Variants in RABEP1 observed in about 807,000 individuals in gnomAD.
The protein encoded by RABEP1 is rabaptin, RAB GTPase binding effector protein 1.
In RABEP1, 51 loss-of-function variants were observed where a neutral mutation model predicts 123.4. The observed-to-expected ratio is 0.41, with a 90% CI of 0.33 to 0.52. RABEP1 has a LOEUF of 0.52. Among genes scored for constraint, RABEP1 ranks in the 20% least tolerant of loss-of-function variants. RABEP1 has a pLI of 0.16. For synonymous variants in RABEP1, 347 were observed against 355.2 expected (o/e 0.98, Z 0.26); for missense variants, 888 against 996.3 (o/e 0.89, Z 1.46).
chr17:5,366,208 T>G (rs908845224), intron 11 of RABEP1, among the ~76,000 whole-genome samples: 2 of 152,218 alleles, frequency 1.3e-5, no homozygotes, highest in Non-Finnish European at 2.9e-5. Flanking sequence ...TCACTGTGGC[T>G]TAGTTTGCAT....
intron 12 of RABEP1, chr17:5,371,628 A>G (rs911864336): frequency 2.6e-5 from 4 of 152,240 alleles, no homozygotes; most frequent in African/African-American, 9.6e-5. Context: ...GCCAGAGCAT[A>G]TGCATGGCCG....
chr17:5,335,709 T>A (rs1180533460), intron 4 of RABEP1, among the ~76,000 whole-genome samples: 1 of 152,202 alleles, frequency 6.6e-6, no homozygotes, highest in African/African-American at 2.4e-5. Context: ...CTATTGTGTT[T>A]ATTGTTTACT....
intron 5 of RABEP1, among the ~76,000 whole-genome samples, chr17:5,343,848 G>A (rs909753491): frequency 6.6e-6 from 1 of 151,248 alleles, no homozygotes; most frequent in Non-Finnish European, 1.5e-5. Flanking sequence ...GCTAATTTTT[G>A]TATTTTTAGT....
intron 1 of RABEP1, among the ~76,000 whole-genome samples, chr17:5,292,862 A>G (rs1016427094): frequency 6.6e-6 from 1 of 152,078 alleles, no homozygotes; most frequent in Non-Finnish European, 1.5e-5. Context: ...TTGTATTTTT[A>G]GTAGAGATAA....
chr17:5,304,314 T>C (rs1354678803), intron 1 of RABEP1, among the ~76,000 whole-genome samples: 7 of 152,152 alleles, frequency 4.6e-5, no homozygotes, highest in African/African-American at 1.7e-4. Context: ...ATGTGGTGGC[T>C]CACACCGGTA....
chr17:5,310,020 G>A (rs1313759095), intron 2 of RABEP1, among the ~76,000 whole-genome samples: 1 of 152,200 alleles, frequency 6.6e-6, no homozygotes, highest in East Asian at 1.9e-4. Context: ...CACCTGGAGA[G>A]CTTGTTAAAC....
At chr17:5,346,307 A>G (rs962547794) in intron 5 of RABEP1, among the ~76,000 whole-genome samples, 3 of 152,236 alleles carry the variant, frequency 2.0e-5, no homozygotes, top group Non-Finnish European at 4.4e-5. Flanking sequence ...TTCCATGAGT[A>G]TATGTATCTG....
intron 1 of RABEP1, among the ~76,000 whole-genome samples, chr17:5,285,801 G>GTAC (rs1247571678): frequency 6.6e-6 from 1 of 152,134 alleles, no homozygotes; most frequent in Non-Finnish European, 1.5e-5. Flanking sequence ...TCTGGCTTAT[G>GTAC]TACTAGATCA....
intron 2 of RABEP1, among the ~76,000 whole-genome samples, chr17:5,319,689 G>T (rs1489141103): frequency 6.6e-6 from 1 of 152,030 alleles, no homozygotes; most frequent in East Asian, 1.9e-4. Context: ...CAAGGATATT[G>T]AAATAATTAA....
intron 1 of RABEP1, among the ~76,000 whole-genome samples, chr17:5,302,548 C>G (rs997307393): frequency 6.6e-6 from 1 of 150,676 alleles, no homozygotes; most frequent in African/African-American, 2.4e-5. Context: ...GCCAGCTTAC[C>G]TTAGTCTATA....
chr17:5,368,168 G>A (rs995399445), intron 11 of RABEP1, among the ~76,000 whole-genome samples: 70 of 152,206 alleles, frequency 4.6e-4, no homozygotes, highest in Middle Eastern at 3.4e-3. Context: ...CATGTGACTC[G>A]GGTTTTGGCA....
chr17:5,331,043 T>C, intron 2 of RABEP1, among the ~76,000 whole-genome samples: 1 of 123,442 alleles, frequency 8.1e-6, no homozygotes, highest in South Asian at 4.0e-4. Flanking sequence ...TTTTTTTTTT[T>C]TTTTTTTTTT....
chr17:5,344,403 A>G (rs1907885028), intron 5 of RABEP1, among the ~76,000 whole-genome samples: 1 of 151,958 alleles, frequency 6.6e-6, no homozygotes, highest in Admixed American at 6.5e-5. Context: ...GTGCCACTGC[A>G]CTCCAGCCAG....
rs182726319 is a variant in RABEP1 at position 5,309,546 on chromosome 17, G to A, written c.163+724G>A. The stretch of plus-strand genomic sequence containing the variant: ...CGCATGCCTGTAATCCCAGCTGCTC[G>A]GGAGGCTGAGGCAGAAGAATTGCTT... On this transcript the variant is annotated intron_variant, in intron 2 of 17. Coordinates refer to ENST00000537505, the MANE Select transcript of RABEP1 (RefSeq NM_004703.6). 5.9e-5 allele frequency among the ~76,000 whole-genome samples: 9 copies of A among 152,016 alleles called. No individual in the cohort carries two copies. The East Asian group carries it at 1.2e-3, about 20-fold the overall frequency.
intron 1 of RABEP1, among the ~76,000 whole-genome samples, chr17:5,285,764 G>A (rs930627385): frequency 2.0e-5 from 3 of 152,132 alleles, no homozygotes; most frequent in African/African-American, 7.2e-5. Flanking sequence ...GCTATTAAGT[G>A]GGGGAGCAGG....
intron 14 of RABEP1, 134 bp from the exon 15 acceptor site, chr17:5,378,043 T>C (rs1911143547): frequency 7.7e-6 from 5 of 648,322 alleles, no homozygotes. Flanking sequence ...TTGGTGGTAA[T>C]TTTGAGACAG....
At chr17:5,377,462 GA>G (rs1456888602) in intron 14 of RABEP1, among the ~76,000 whole-genome samples, 157 bp downstream of exon 14, 1 of 150,648 alleles carries the variant, frequency 6.6e-6, no homozygotes, top group African/African-American at 2.4e-5. Context: ...GATATATTCA[GA>G]TTCTGAATAT....
intron 2 of RABEP1, among the ~76,000 whole-genome samples, chr17:5,329,914 A>C (rs1052775791): frequency 1.3e-5 from 2 of 151,556 alleles, no homozygotes; most frequent in Non-Finnish European, 2.9e-5. Context: ...AAAAATGGAT[A>C]TTTAGGCTTG....
intron 16 of RABEP1, 113 bp from the exon 17 acceptor site, chr17:5,381,276 G>C: frequency 6.8e-7 from 1 of 1,469,490 alleles, no homozygotes. Context: ...ATAGGAGTGC[G>C]ACGGATATCC....
Sources: allele counts gnomAD v4.1 joint callset (sites outside exome capture counted in the v4.1 genomes callset), GRCh38; gene constraint gnomAD v4.1.1; transcripts MANE v1.5; gene names NCBI Gene and HGNC (gene_info 2026-07-23, HGNC 2026-07-21).